The following ARHGAP42 variants were observed in gnomAD, a reference collection of about 807,000 sequenced individuals.
ARHGAP42 encodes rho GTPase-activating protein 42.
In ARHGAP42, 63 loss-of-function variants were observed where a neutral mutation model predicts 125.0. The ratio of observed to expected loss-of-function variants is 0.50; its 90% CI spans 0.41 to 0.62. The LOEUF is 0.62. Ranked by LOEUF, ARHGAP42 falls within the 20% of genes least tolerant of loss-of-function variation. ARHGAP42 has a pLI of 0.00. For missense variants in ARHGAP42, 766 were observed against 1,024.2 expected (o/e 0.75, Z 3.44); for synonymous variants, 339 against 351.0 (o/e 0.97, Z 0.38).
chr11:100,751,771 AC>A (rs1862464754), intron 1 of ARHGAP42, among the ~76,000 whole-genome samples: 1 of 78,382 alleles, frequency 1.3e-5, no homozygotes, highest in Admixed American at 1.3e-4. Flanking sequence ...TCAGACAGGC[AC>A]CTTTTTTTTT....
rs117212443 is a variant in ARHGAP42, at chr11:100,792,723, C to T, written c.251-2382C>T. ...GTGTTATTTGTATAATGTTGTTTTCCCAGGAATTAACAATTGACTTGGAAT... is the reference window on the plus strand; with the variant it reads ...GTGTTATTTGTATAATGTTGTTTTCTCAGGAATTAACAATTGACTTGGAAT... On this transcript the variant is annotated intron_variant, in intron 2 of 23. Transcript: ENST00000298815. Among the ~76,000 whole-genome samples the T allele has an allele frequency of 2.6e-4, 39 of 151,030 alleles. 2 individuals are homozygous for T. In the East Asian group the frequency reaches 7.6e-3, roughly 29 times the overall value.
chr11:100,918,421 T>A (rs1867136803), intron 5 of ARHGAP42, among the ~76,000 whole-genome samples: 1 of 152,200 alleles, frequency 6.6e-6, no homozygotes, highest in Non-Finnish European at 1.5e-5. Context: ...ATTAAATTAA[T>A]CTGGTTTCTT....
intron 4 of ARHGAP42, among the ~76,000 whole-genome samples, chr11:100,896,745 T>C (rs1265389459): frequency 6.6e-6 from 1 of 152,246 alleles, no homozygotes; most frequent in African/African-American, 2.4e-5. Flanking sequence ...ATTAGTCCTT[T>C]GTCAGATGGG....
chr11:100,862,901 G>A (rs79603176), intron 4 of ARHGAP42, among the ~76,000 whole-genome samples: 1 of 112,070 alleles, frequency 8.9e-6, no homozygotes, highest in Non-Finnish European at 1.9e-5. Flanking sequence ...GCCAGGCGGG[G>A]TGGTGCATGC....
In ARHGAP42 at chr11:100,831,920, C is replaced by T. The variant is rs529720596; in HGVS notation, c.313-27634C>T. 9.5e-4 allele frequency among the ~76,000 whole-genome samples: 144 copies of T among 152,290 alleles called. 1 individual carries two copies. The highest frequency in any genetic ancestry group is 2.9e-4 in the Non-Finnish European group (20 of 68,032). Reference sequence around the variant, plus strand: ...AGGGACAGGAACTTCAGAACAAAATCCACTTGGAAATGGAGGAATTCATTT... The same window carrying T: ...AGGGACAGGAACTTCAGAACAAAATTCACTTGGAAATGGAGGAATTCATTT... On this transcript the variant is annotated intron_variant, in intron 3 of 23. Transcript: ENST00000298815.
chr11:100,880,651 T>C (rs2135175691), intron 4 of ARHGAP42, among the ~76,000 whole-genome samples: 1 of 152,350 alleles, frequency 6.6e-6, no homozygotes, highest in South Asian at 2.1e-4. Flanking sequence ...GTTCTTCTTT[T>C]AGTTGTTTAA....
rs188979216 is a variant in ARHGAP42 at position 100,861,218 on chromosome 11, G to A, written c.384+1593G>A. On this transcript the variant is annotated intron_variant, in intron 4 of 23. Coordinates refer to ENST00000298815, the MANE Select transcript of ARHGAP42 (RefSeq NM_152432.4). ...AAAAACTTACAAATATTCCAGAAAA[G>A]GGAATGGAATATGGGAATGAATGAA... 2.4e-4 allele frequency among the ~76,000 whole-genome samples: 36 copies of A among 152,306 alleles called. 1 individual carries two copies. In the East Asian group the frequency reaches 6.9e-3, roughly 29 times the overall value.
At chr11:100,739,237 A>C (rs1862128497) in intron 1 of ARHGAP42, among the ~76,000 whole-genome samples, 1 of 152,136 alleles carries the variant, frequency 6.6e-6, no homozygotes, top group Non-Finnish European at 1.5e-5. Context: ...AGTGATCAAA[A>C]AATAAGGAAC....
intron 5 of ARHGAP42, among the ~76,000 whole-genome samples, chr11:100,914,039 A>G (rs1867000193): frequency 1.3e-5 from 2 of 152,058 alleles, no homozygotes; most frequent in African/African-American, 4.8e-5. Context: ...GGTTCAAGCA[A>G]TTCTTGTGCT....
intron 6 of ARHGAP42, among the ~76,000 whole-genome samples, chr11:100,929,865 T>C (rs1318446616): frequency 6.6e-6 from 1 of 152,238 alleles, no homozygotes; most frequent in African/African-American, 2.4e-5. Context: ...TTTCTTTCAA[T>C]TTTCATGACA....
At chr11:100,728,783 T>C (rs1861907536) in intron 1 of ARHGAP42, among the ~76,000 whole-genome samples, 1 of 147,832 alleles carries the variant, frequency 6.8e-6, no homozygotes, top group Non-Finnish European at 1.5e-5. Context: ...TTAATTTTTT[T>C]TTTGAGATGG....
At chr11:100,883,293 G>T (rs1388205379) in intron 4 of ARHGAP42, among the ~76,000 whole-genome samples, 1 of 152,026 alleles carries the variant, frequency 6.6e-6, no homozygotes, top group Non-Finnish European at 1.5e-5. Flanking sequence ...TATCCCTAGT[G>T]CCTGGCACAC....
At chr11:100,728,755 T>TATATATATATATAC (rs1364139152) in intron 1 of ARHGAP42, among the ~76,000 whole-genome samples, 11 of 108,728 alleles carry the variant, frequency 1.0e-4, no homozygotes, top group Non-Finnish European at 1.8e-4. Context: ...TATATATATA[T>TATATATATATATAC]ATGCACACTT....
At chr11:100,784,195 T>A (rs1219984075) in intron 2 of ARHGAP42, among the ~76,000 whole-genome samples, 2 of 152,278 alleles carry the variant, frequency 1.3e-5, no homozygotes, top group East Asian at 1.9e-4. Flanking sequence ...AGTTTCTAAG[T>A]GCAAAGTTTG....
At chr11:100,897,955 C>T (rs961076372) in intron 4 of ARHGAP42, among the ~76,000 whole-genome samples, 5 of 152,216 alleles carry the variant, frequency 3.3e-5, no homozygotes, top group African/African-American at 9.6e-5. Context: ...TTTGCCCATT[C>T]AGTATGATAT....
chr11:100,963,907 GC>G, intron 16 of ARHGAP42, among the ~76,000 whole-genome samples: 1 of 151,990 alleles, frequency 6.6e-6, no homozygotes, highest in East Asian at 1.9e-4. Context: ...GAGCTACTTG[GC>G]TAAAATGGCT....
chr11:100,903,752 A>ATATATATATATG (rs1555021293), intron 4 of ARHGAP42, among the ~76,000 whole-genome samples: 1 of 125,642 alleles, frequency 8.0e-6, no homozygotes, highest in African/African-American at 3.0e-5. Flanking sequence ...ATATATATAT[A>ATATATATATATG]TATGTATGTA....
At chr11:100,910,186 G>C (rs1237290057) in intron 4 of ARHGAP42, among the ~76,000 whole-genome samples, 1 of 152,018 alleles carries the variant, frequency 6.6e-6, no homozygotes, top group Non-Finnish European at 1.5e-5. Flanking sequence ...TATTTATTTA[G>C]ACAGTAGTTG....
At chr11:100,876,357 TAAAG>T (rs1164288026) in intron 4 of ARHGAP42, among the ~76,000 whole-genome samples, 1 of 152,176 alleles carries the variant, frequency 6.6e-6, no homozygotes, top group East Asian at 1.9e-4. Flanking sequence ...AAGAGAAAAA[TAAAG>T]AATCCTTTTT....
Sources: allele counts gnomAD v4.1 joint callset (sites outside exome capture counted in the v4.1 genomes callset), GRCh38; gene constraint gnomAD v4.1.1; transcripts MANE v1.5; gene names NCBI Gene and HGNC (gene_info 2026-07-23, HGNC 2026-07-21).